The following EPHA3 variants were observed in gnomAD, a reference collection of about 807,000 sequenced individuals.
The protein encoded by EPHA3 is EPH receptor A3, also known as ephrin type-A receptor 3.
In EPHA3, 42 loss-of-function variants were observed where a neutral mutation model predicts 107.1. The ratio of observed to expected loss-of-function variants is 0.39; its 90% CI spans 0.31 to 0.51. The LOEUF is 0.51. EPHA3 is among the 20% of genes least tolerant of loss of function. The probability of loss-of-function intolerance (pLI) is 0.78; values close to 1 mark genes in which losing one functional copy is unlikely to be tolerated. For missense variants in EPHA3, 1,183 were observed against 1,211.2 expected, an observed-to-expected ratio of 0.98 and a Z score of 0.35; for synonymous variants, 461 against 424.8, an observed-to-expected ratio of 1.09 and a Z score of -1.05.
chr3:89,143,524 A>G (rs1345641347), intron 2 of EPHA3, among the ~76,000 whole-genome samples: 1 of 151,606 alleles, frequency 6.6e-6, no homozygotes, highest in African/African-American at 2.4e-5. Context: ...AATATGGTCT[A>G]TAGTGGTTGG....
intron 13 of EPHA3, among the ~76,000 whole-genome samples, chr3:89,441,815 G>C (rs1377021718): frequency 6.6e-6 from 1 of 152,124 alleles, no homozygotes; most frequent in Non-Finnish European, 1.5e-5. Flanking sequence ...TAGTTTGATA[G>C]TCTCAGAACT....
chr3:89,293,981 T>G (rs1706281410), intron 3 of EPHA3, among the ~76,000 whole-genome samples: 1 of 152,192 alleles, frequency 6.6e-6, no homozygotes. Flanking sequence ...ATAATTTTCA[T>G]GTAATGAAGT....
At chr3:89,138,219 G>C (rs1472959791) in intron 2 of EPHA3, among the ~76,000 whole-genome samples, 1 of 151,594 alleles carries the variant, frequency 6.6e-6, no homozygotes, top group Non-Finnish European at 1.5e-5. Context: ...GAGAAAAGAC[G>C]CGTTTCCCTG....
intron 10 of EPHA3, among the ~76,000 whole-genome samples, chr3:89,416,765 G>A (rs1450140658): frequency 4.0e-5 from 6 of 151,304 alleles, no homozygotes; most frequent in Admixed American, 6.6e-5. Flanking sequence ...CATGAATTTC[G>A]AAGGTAAATA....
rs1032344625 is a variant in EPHA3 at position 89,310,716 on chromosome 3, C to T, written c.815-30200C>T. Among the ~76,000 whole-genome samples, 3 of 151,686 alleles carry T rather than the reference C, an allele frequency of 2.0e-5. No homozygotes were observed. The Admixed American group carries it at 2.0e-4, about 10-fold the overall frequency. On this transcript the variant is annotated intron_variant, in intron 3 of 16. Transcript: ENST00000336596. ...AATATATATTAATTAGAAGTAAACT[C>T]CTAAAGGTCAATAAACAAAGTGAAT...
chr3:89,335,435 T>C (rs943459407), intron 3 of EPHA3, among the ~76,000 whole-genome samples: 2 of 152,184 alleles, frequency 1.3e-5, no homozygotes, highest in Admixed American at 6.5e-5. Flanking sequence ...TTTCAACATA[T>C]ATATTTTAGG....
intron 3 of EPHA3, among the ~76,000 whole-genome samples, chr3:89,286,410 T>G (rs1315342247): frequency 6.6e-6 from 1 of 152,044 alleles, no homozygotes; most frequent in Non-Finnish European, 1.5e-5. Flanking sequence ...CCTCTGGCTC[T>G]GTGTTGGAAT....
At chr3:89,223,441 T>A (rs773536227) in intron 3 of EPHA3, among the ~76,000 whole-genome samples, 2 of 152,194 alleles carry the variant, frequency 1.3e-5, no homozygotes, top group South Asian at 4.1e-4. Flanking sequence ...TGAGCTGCCA[T>A]AAAGAAATTT....
At chr3:89,452,116 A>G (rs1449404825) in intron 15 of EPHA3, among the ~76,000 whole-genome samples, 2 of 152,180 alleles carry the variant, frequency 1.3e-5, no homozygotes, top group Non-Finnish European at 2.9e-5. Context: ...GTCAGTGGAT[A>G]CCTATGTTGA....
chr3:89,112,114 C>T (rs1357851833), intron 1 of EPHA3, among the ~76,000 whole-genome samples: 1 of 151,986 alleles, frequency 6.6e-6, no homozygotes, highest in African/African-American at 2.4e-5. Flanking sequence ...ACCATTGCCA[C>T]GTGTTAGATC....
chr3:89,342,348 T>C (rs1221078235), intron 5 of EPHA3, among the ~76,000 whole-genome samples: 1 of 152,132 alleles, frequency 6.6e-6, no homozygotes, highest in Non-Finnish European at 1.5e-5. Flanking sequence ...TTTGAGGCTC[T>C]CAGATAGTAG....
intron 3 of EPHA3, among the ~76,000 whole-genome samples, chr3:89,269,751 C>A (rs1466835510): frequency 2.2e-5 from 2 of 90,224 alleles, no homozygotes; most frequent in Non-Finnish European, 4.7e-5. Context: ...CTATCCCTCC[C>A]CCCTCCCCCC....
At chr3:89,246,700 T>A (rs1705041437) in intron 3 of EPHA3, among the ~76,000 whole-genome samples, 1 of 152,248 alleles carries the variant, frequency 6.6e-6, no homozygotes, top group African/African-American at 2.4e-5. Flanking sequence ...TAACTTTTCT[T>A]TGATAGAAAT....
intron 2 of EPHA3, among the ~76,000 whole-genome samples, chr3:89,135,305 C>A (rs1028446202): frequency 6.6e-6 from 1 of 152,128 alleles, no homozygotes; most frequent in Admixed American, 6.6e-5. Context: ...TGTATATCCA[C>A]AGCTTACAAT....
intron 3 of EPHA3, among the ~76,000 whole-genome samples, chr3:89,318,215 G>T (rs1218000690): frequency 6.6e-6 from 1 of 151,880 alleles, no homozygotes; most frequent in Non-Finnish European, 1.5e-5. Flanking sequence ...ATAACTTGAA[G>T]AGATATTTTA....
chr3:89,126,785 G>T (rs754056096), intron 1 of EPHA3, among the ~76,000 whole-genome samples: 1 of 151,606 alleles, frequency 6.6e-6, no homozygotes, highest in African/African-American at 2.4e-5. Flanking sequence ...CAGATAAATT[G>T]ACTCATTCTG....
intron 3 of EPHA3, among the ~76,000 whole-genome samples, chr3:89,259,247 C>A (rs373182728): frequency 1.4e-4 from 22 of 152,172 alleles, no homozygotes; most frequent in African/African-American, 5.1e-4. Flanking sequence ...GGCCACCTTG[C>A]TGCTGCTTGC....
At chr3:89,397,580 C>CTTTTTTT (rs35334618) in intron 6 of EPHA3, among the ~76,000 whole-genome samples, 2 of 131,112 alleles carry the variant, frequency 1.5e-5, no homozygotes, top group African/African-American at 2.9e-5. Flanking sequence ...GCATCATTGC[C>CTTTTTTT]TTTTTTTTTT....
At chr3:89,448,138 G>A (rs1381163968) in intron 13 of EPHA3, among the ~76,000 whole-genome samples, 1 of 152,014 alleles carries the variant, frequency 6.6e-6, no homozygotes, top group Non-Finnish European at 1.5e-5. Context: ...ACATTACGGT[G>A]GCTTTCACTA....
Sources: allele counts gnomAD v4.1 joint callset (sites outside exome capture counted in the v4.1 genomes callset), GRCh38; gene constraint gnomAD v4.1.1; transcripts MANE v1.5; gene names NCBI Gene and HGNC (gene_info 2026-07-23, HGNC 2026-07-21).